Variants in C8orf34 observed in about 807,000 individuals in gnomAD.
C8orf34 encodes the protein chromosome 8 open reading frame 34.
Under a neutral mutation model 68.3 loss-of-function variants are expected in C8orf34, and 65 were observed. The ratio of observed to expected loss-of-function variants is 0.95; its 90% CI spans 0.78 to 1.17. The LOEUF is 1.17. Among genes scored for constraint, C8orf34 ranks in the 50% most tolerant of loss-of-function variants. C8orf34 has a pLI of 0.00. For synonymous variants in C8orf34, 244 were observed against 241.2 expected (o/e 1.01, Z -0.11); for missense variants, 664 against 655.4 (o/e 1.01, Z -0.14).
At chr8:68,475,641 A>T (rs905782898) in intron 4 of C8orf34, among the ~76,000 whole-genome samples, 10 of 152,134 alleles carry the variant, frequency 6.6e-5, no homozygotes, top group Admixed American at 5.2e-4. Context: ...CTTAAAAATA[A>T]ATAGATAGCT....
chr8:68,404,589 A>G (rs983270846), intron 1 of C8orf34, among the ~76,000 whole-genome samples: 1 of 152,236 alleles, frequency 6.6e-6, no homozygotes, highest in African/African-American at 2.4e-5. Flanking sequence ...AGTTTTCTGC[A>G]TATGACTAGC....
intron 1 of C8orf34, among the ~76,000 whole-genome samples, chr8:68,354,921 G>A (rs1806683236): frequency 1.3e-5 from 2 of 151,924 alleles, no homozygotes; most frequent in Non-Finnish European, 2.9e-5. Flanking sequence ...TAAAGCAGGA[G>A]CTCAGCAAAT....
chr8:68,628,395 G>T (rs1225922372), intron 7 of C8orf34, among the ~76,000 whole-genome samples: 2 of 152,052 alleles, frequency 1.3e-5, no homozygotes, highest in African/African-American at 4.8e-5. Context: ...ACCAGAATAT[G>T]TCCCAACAAA....
chr8:68,710,910 C>G (rs1194466342), intron 9 of C8orf34, among the ~76,000 whole-genome samples: 3 of 152,160 alleles, frequency 2.0e-5, no homozygotes, highest in Non-Finnish European at 2.9e-5. Flanking sequence ...CTTACAGGGT[C>G]CACTTCACTC....
intron 1 of C8orf34, among the ~76,000 whole-genome samples, chr8:68,347,399 A>G (rs1024990601): frequency 6.6e-6 from 1 of 152,050 alleles, no homozygotes; most frequent in African/African-American, 2.4e-5. Context: ...TGTCTTTGCT[A>G]TTATGAATAG....
chr8:68,539,206 C>T (rs1425445328), intron 7 of C8orf34, among the ~76,000 whole-genome samples: 1 of 151,996 alleles, frequency 6.6e-6, no homozygotes, highest in Non-Finnish European at 1.5e-5. Flanking sequence ...ACTTCAAATG[C>T]TTTATAAAAT....
intron 1 of C8orf34, among the ~76,000 whole-genome samples, chr8:68,432,623 T>C (rs897311191): frequency 6.6e-6 from 1 of 152,170 alleles, no homozygotes; most frequent in African/African-American, 2.4e-5. Flanking sequence ...ATTGCTTTCC[T>C]GCCTTCCATT....
intron 8 of C8orf34, among the ~76,000 whole-genome samples, chr8:68,660,792 G>T (rs1172484934): frequency 6.6e-6 from 1 of 152,018 alleles, no homozygotes; most frequent in Non-Finnish European, 1.5e-5. Flanking sequence ...TATGAATCGG[G>T]GTCCTGGCCT....
chr8:68,408,005 T>C (rs571707033), intron 1 of C8orf34, among the ~76,000 whole-genome samples: 50 of 152,214 alleles, frequency 3.3e-4, no homozygotes, highest in Admixed American at 7.9e-4. Context: ...CCATGACCTG[T>C]TAGGAACCGG....
chr8:68,385,657 A>AT (rs1231455474), intron 1 of C8orf34, among the ~76,000 whole-genome samples: 6 of 152,190 alleles, frequency 3.9e-5, no homozygotes, highest in South Asian at 2.1e-4. Flanking sequence ...CTTATCTGAG[A>AT]TTTTTTTTCC....
At chr8:68,545,390 A>G (rs551727067) in intron 7 of C8orf34, among the ~76,000 whole-genome samples, 53 of 152,210 alleles carry the variant, frequency 3.5e-4, no homozygotes, top group Admixed American at 1.7e-3. Flanking sequence ...TAAATTACCT[A>G]GTCACAGGTG....
At chr8:68,799,151 A>G (rs1024671980) in intron 12 of C8orf34, among the ~76,000 whole-genome samples, 1 of 152,198 alleles carries the variant, frequency 6.6e-6, no homozygotes. Context: ...GCATGGCCCA[A>G]ATTTTTGTTA....
intron 12 of C8orf34, among the ~76,000 whole-genome samples, chr8:68,815,465 A>G (rs1824782178): frequency 1.3e-5 from 2 of 152,142 alleles, no homozygotes; most frequent in South Asian, 4.1e-4. Context: ...TAGCATCACA[A>G]TAAGTAGCGT....
chr8:68,729,685 TA>T (rs1408489618), intron 10 of C8orf34, among the ~76,000 whole-genome samples: 1 of 152,130 alleles, frequency 6.6e-6, no homozygotes, highest in Admixed American at 6.5e-5. Flanking sequence ...ACAGGAAGCA[TA>T]AAAAATTGTA....
intron 12 of C8orf34, among the ~76,000 whole-genome samples, chr8:68,807,600 C>T (rs1324390141): frequency 2.0e-5 from 3 of 151,632 alleles, no homozygotes; most frequent in African/African-American, 4.8e-5. Flanking sequence ...TTATGTGATT[C>T]CTGTGGGTGT....
intron 1 of C8orf34, among the ~76,000 whole-genome samples, chr8:68,339,773 G>C (rs1805995782): frequency 6.6e-6 from 1 of 150,710 alleles, no homozygotes; most frequent in African/African-American, 2.5e-5. Context: ...TATATAAACT[G>C]TAAAAAAATC....
At chr8:68,345,822 T>C (rs1806259607) in intron 1 of C8orf34, among the ~76,000 whole-genome samples, 1 of 152,038 alleles carries the variant, frequency 6.6e-6, no homozygotes, top group African/African-American at 2.4e-5. Context: ...TTTCATCAAG[T>C]AAATTTATAC....
At chr8:68,740,106 A>G (rs754161933) in intron 10 of C8orf34, among the ~76,000 whole-genome samples, 2 of 152,230 alleles carry the variant, frequency 1.3e-5, no homozygotes, top group Non-Finnish European at 2.9e-5. Flanking sequence ...AATTAACTCA[A>G]GATGAATTAA....
At chr8:68,775,974 G>T (rs1823503415) in intron 10 of C8orf34, among the ~76,000 whole-genome samples, 1 of 152,092 alleles carries the variant, frequency 6.6e-6, no homozygotes, top group Non-Finnish European at 1.5e-5. Flanking sequence ...TGGACACAGG[G>T]AGGGGAATAA....
Sources: allele counts gnomAD v4.1 joint callset (sites outside exome capture counted in the v4.1 genomes callset), GRCh38; gene constraint gnomAD v4.1.1; transcripts MANE v1.5; gene names NCBI Gene and HGNC (gene_info 2026-07-23, HGNC 2026-07-21).